APBA1: variants seen among roughly 807,000 people sequenced by gnomAD.
APBA1 encodes the protein amyloid-beta A4 precursor protein-binding family A member 1.
In APBA1, 55 loss-of-function variants were observed where a neutral mutation model predicts 86.6. That is an observed-to-expected ratio of 0.64 (90% CI 0.51 to 0.80). The LOEUF (loss-of-function observed/expected upper bound fraction) is 0.80, where lower values mean the gene tolerates loss of function less well. APBA1 is among the 30% of genes least tolerant of loss of function. The pLI is 0.00. For missense variants in APBA1, 1,090 were observed against 1,183.0 expected (o/e 0.92, Z 1.15); for synonymous variants, 511 against 493.9 (o/e 1.03, Z -0.46).
intron 1 of APBA1, among the ~76,000 whole-genome samples, chr9:69,535,085 T>G (rs1050457969): frequency 6.6e-6 from 1 of 152,218 alleles, no homozygotes; most frequent in Admixed American, 6.5e-5. Context: ...AACATGTATT[T>G]TATCATCTGC....
At chr9:69,529,345 GC>G (rs1836389495) in intron 1 of APBA1, among the ~76,000 whole-genome samples, 1 of 152,060 alleles carries the variant, frequency 6.6e-6, no homozygotes, top group Non-Finnish European at 1.5e-5. Flanking sequence ...CAATGGAGAT[GC>G]CTTAAATTTG....
At chr9:69,431,862 CTGACAGCAGTGATAAATCAA>C (rs1834602572) in intron 12 of APBA1, among the ~76,000 whole-genome samples, 1 of 152,104 alleles carries the variant, frequency 6.6e-6, no homozygotes, top group Non-Finnish European at 1.5e-5. Context: ...GCAGTGTTGA[CTGACAGCAGTGATAAATCAA>C]TGACAGCAGT....
chr9:69,607,378 G>A (rs1212560975), intron 1 of APBA1, among the ~76,000 whole-genome samples: 5 of 151,970 alleles, frequency 3.3e-5, no homozygotes, highest in East Asian at 3.9e-4. Context: ...GGAAGGACCC[G>A]CCCCCATGAT....
intron 11 of APBA1, among the ~76,000 whole-genome samples, chr9:69,433,645 A>T (rs933643885): frequency 6.6e-6 from 1 of 152,170 alleles, no homozygotes; most frequent in Admixed American, 6.5e-5. Context: ...CTCAGAGCTA[A>T]ACTGTAAAGA....
chr9:69,485,302 C>A (rs1362725591), intron 2 of APBA1, among the ~76,000 whole-genome samples: 1 of 152,048 alleles, frequency 6.6e-6, no homozygotes, highest in African/African-American at 2.4e-5. Flanking sequence ...ACAGACATGG[C>A]CGCGTGAAGC....
At chr9:69,526,679 C>T (rs768498649) in intron 1 of APBA1, among the ~76,000 whole-genome samples, 1 of 151,882 alleles carries the variant, frequency 6.6e-6, no homozygotes, top group Non-Finnish European at 1.5e-5. Flanking sequence ...CAGAGAACTA[C>T]AATTCGACCC....
intron 1 of APBA1, among the ~76,000 whole-genome samples, chr9:69,567,789 C>T (rs896739922): frequency 1.1e-4 from 16 of 152,128 alleles, no homozygotes; most frequent in South Asian, 4.1e-4. Context: ...CACTGGGGTC[C>T]GGGACATCCT....
intron 1 of APBA1, among the ~76,000 whole-genome samples, chr9:69,617,956 A>G (rs1038063830): frequency 9.1e-5 from 7 of 76,824 alleles, no homozygotes; most frequent in African/African-American, 3.3e-4. Flanking sequence ...TCAAGCTTAA[A>G]CACACACACA....
chr9:69,451,521 G>T (rs771756652), intron 9 of APBA1, among the ~76,000 whole-genome samples: 3 of 152,026 alleles, frequency 2.0e-5, no homozygotes, highest in African/African-American at 4.8e-5. Flanking sequence ...TAGCCAAACC[G>T]TATTTCCTCA....
rs1390404645 is a variant in APBA1 at position 69,435,696 on chromosome 9, TTGTC to T, written c.2302-3024_2302-3021del. On this transcript the variant is annotated intron_variant, in intron 11 of 12. Transcript: ENST00000265381. ...ATTGTAGATTCTGGATATTAGCCCTTTGTCAGATGAGCAGGTTGTAAAAATTTTC... is the reference window on the plus strand; with the variant it reads ...ATTGTAGATTCTGGATATTAGCCCTTAGATGAGCAGGTTGTAAAAATTTTC... 2.6e-5 allele frequency among the ~76,000 whole-genome samples: 4 copies of T among 152,240 alleles called. No homozygotes were observed. The East Asian group carries it at 7.7e-4, about 29-fold the overall frequency.
At chr9:69,545,679 A>G (rs185175679) in intron 1 of APBA1, among the ~76,000 whole-genome samples, 16 of 152,320 alleles carry the variant, frequency 1.1e-4, no homozygotes, top group Admixed American at 1.0e-3. Flanking sequence ...ACAATTTGTA[A>G]CCGTCAGGGT....
intron 1 of APBA1, among the ~76,000 whole-genome samples, chr9:69,671,025 G>A (rs930767781): frequency 2.0e-5 from 3 of 151,790 alleles, no homozygotes; most frequent in Admixed American, 6.6e-5. Context: ...TTAAAAGACC[G>A]CCCCCCGCCC....
intron 1 of APBA1, among the ~76,000 whole-genome samples, chr9:69,612,782 A>T (rs1328906904): frequency 6.6e-6 from 1 of 152,054 alleles, no homozygotes; most frequent in Non-Finnish European, 1.5e-5. Context: ...TTTTGTCTAA[A>T]TTCAGAGGTC....
At chr9:69,637,750 A>C (rs762497464) in intron 1 of APBA1, among the ~76,000 whole-genome samples, 21 of 152,230 alleles carry the variant, frequency 1.4e-4, no homozygotes, top group Non-Finnish European at 2.2e-4. Flanking sequence ...AGTGCTATAA[A>C]ATAATATCTT....
intron 1 of APBA1, among the ~76,000 whole-genome samples, chr9:69,584,381 CA>C (rs916496175): frequency 6.6e-6 from 1 of 152,156 alleles, no homozygotes; most frequent in African/African-American, 2.4e-5. Flanking sequence ...GCCTATGAAG[CA>C]GTCAACATAT....
chr9:69,645,442 G>A (rs951877852), intron 1 of APBA1, among the ~76,000 whole-genome samples: 9 of 152,230 alleles, frequency 5.9e-5, no homozygotes, highest in African/African-American at 1.7e-4. Context: ...TGCCTGAACC[G>A]AGTTATGTGT....
intron 1 of APBA1, among the ~76,000 whole-genome samples, chr9:69,658,962 G>A (rs1035749896): frequency 1.3e-5 from 2 of 152,132 alleles, no homozygotes; most frequent in African/African-American, 4.8e-5. Context: ...ACAGGATCAG[G>A]CTGAAGCCCC....
rs773994036 is a variant in APBA1 at position 69,516,340 on chromosome 9, C to T, written c.871G>A (p.Glu291Lys). 5 of 1,595,976 alleles carry T rather than the reference C, an allele frequency of 3.1e-6. No individual in the cohort carries two copies. The East Asian group carries it at 6.7e-5, about 22-fold the overall frequency. The change falls in exon 2 of 13, where the codon GAG becomes AAG. Residue 291 changes from glutamate (E) to lysine (K), a missense_variant. Physicochemically the swap from Glu to Lys is moderately conservative, Grantham distance 56. Around this residue, in one of 6 missense-constraint regions of APBA1, gnomAD observed 678 missense variants for 647.1 expected, o/e 1.05. Coordinates refer to ENST00000265381, the MANE Select transcript of APBA1 (RefSeq NM_001163.4). The surrounding 1 kb of genome is among the most constrained non-coding windows in gnomAD (Gnocchi z 7.3). ...TCCTGCTCGGCCTCAGGCATGTCCTCGGCTGCCTTGTCGAGGCTCTGCGAG... is the reference window on the plus strand; with the variant it reads ...TCCTGCTCGGCCTCAGGCATGTCCTTGGCTGCCTTGTCGAGGCTCTGCGAG... ...MSSQSLDKAA[E>K]DMPEAEQDLE...
At chr9:69,432,250 T>C (rs1021851041) in intron 12 of APBA1, among the ~76,000 whole-genome samples, 1 of 152,180 alleles carries the variant, frequency 6.6e-6, no homozygotes, top group African/African-American at 2.4e-5. Flanking sequence ...TAGGCGGCCA[T>C]ACAGAAAAGC....
Sources: gnomAD v4.1 joint callset for allele counts (sites outside exome capture counted in the v4.1 genomes callset) on GRCh38, gnomAD v4.1.1 for gene constraint, gnomAD v4.1.1 regional missense constraint, Gnocchi (gnomAD v3.1) non-coding constraint, MANE v1.5 for transcripts, NCBI Gene and HGNC (gene_info 2026-07-23, HGNC 2026-07-21) for gene names.